GALNT17: variants seen among roughly 807,000 people sequenced by gnomAD.
GALNT17 encodes the protein UDP-GalNAc:polypeptide N-acetylgalactosaminyltransferase-like 3.
In GALNT17, 29 loss-of-function variants were observed where a neutral mutation model predicts 63.7. That is an observed-to-expected ratio of 0.46 (90% CI 0.34 to 0.62). The LOEUF (loss-of-function observed/expected upper bound fraction) is 0.62. Among genes scored for constraint, GALNT17 ranks in the 20% least tolerant of loss-of-function variants. The probability of loss-of-function intolerance (pLI) is 0.01; values close to 1 mark genes in which losing one functional copy is unlikely to be tolerated. For missense variants in GALNT17, 603 were observed against 799.6 expected (o/e 0.75, Z 2.97); for synonymous variants, 305 against 318.3 (o/e 0.96, Z 0.45).
intron 1 of GALNT17, among the ~76,000 whole-genome samples, chr7:71,171,769 C>T (rs1203686560): frequency 2.0e-5 from 3 of 152,206 alleles, no homozygotes; most frequent in Admixed American, 2.0e-4. Context: ...CCTAGAGCTG[C>T]TGCTGGGCTT....
intron 1 of GALNT17, among the ~76,000 whole-genome samples, chr7:71,197,440 C>G (rs1789075376): frequency 6.6e-6 from 1 of 151,170 alleles, no homozygotes; most frequent in African/African-American, 2.4e-5. Context: ...GATCTCCTGA[C>G]CTTGTGATCC....
In GALNT17 at chr7:71,532,701, C is replaced by T. The variant is rs182605379; in HGVS notation, c.963-38584C>T. Among the ~76,000 whole-genome samples the T allele has an allele frequency of 1.6e-3, 241 of 152,316 alleles. 2 individuals are homozygous for T. The highest frequency in any genetic ancestry group is 2.3e-3 in the African/African-American group (97 of 41,580). ...GCTTGAAGCATTAGAGGCTACACTA[C>T]GGGATCTGCTTCTTGCCCTTTCTCT... On this transcript the variant is annotated intron_variant, in intron 5 of 10. Coordinates refer to ENST00000333538, the MANE Select transcript of GALNT17 (RefSeq NM_022479.3).
intron 1 of GALNT17, among the ~76,000 whole-genome samples, chr7:71,164,998 C>T (rs990737690): frequency 6.6e-6 from 1 of 152,098 alleles, no homozygotes; most frequent in Non-Finnish European, 1.5e-5. Context: ...ATAAAATTAA[C>T]TGGAATTTGA....
At chr7:71,464,277 G>A (rs1370822452) in intron 5 of GALNT17, among the ~76,000 whole-genome samples, 1 of 152,102 alleles carries the variant, frequency 6.6e-6, no homozygotes, top group Non-Finnish European at 1.5e-5. Context: ...ATCAAATTAG[G>A]GGATTTTCTC....
intron 5 of GALNT17, among the ~76,000 whole-genome samples, chr7:71,546,161 C>CT (rs34711093): frequency 0.091 from 12,495 of 136,574 alleles, 691 homozygotes; most frequent in East Asian, 0.22. Context: ...TTGAGGGACA[C>CT]TTTTTTTTTT....
chr7:71,382,597 C>T (rs1036123168), intron 2 of GALNT17, among the ~76,000 whole-genome samples: 6 of 151,984 alleles, frequency 3.9e-5, no homozygotes, highest in Non-Finnish European at 4.4e-5. Context: ...GTAACCGAAA[C>T]GAGGTGGTCC....
chr7:71,485,132 A>G (rs7807776), intron 5 of GALNT17, among the ~76,000 whole-genome samples: 149,646 of 150,498 alleles, frequency 0.99, 74,404 homozygotes, highest in East Asian at 1. Flanking sequence ...TTAAGACAGG[A>G]TCTTGCTCTG....
At chr7:71,636,550 G>A (rs946557056) in intron 6 of GALNT17, among the ~76,000 whole-genome samples, 24 of 152,312 alleles carry the variant, frequency 1.6e-4, no homozygotes, top group African/African-American at 5.5e-4. Flanking sequence ...TAAATAGCAG[G>A]CGACGTCATC....
At chr7:71,401,199 C>G (rs1024090025) in intron 3 of GALNT17, among the ~76,000 whole-genome samples, 2 of 151,260 alleles carry the variant, frequency 1.3e-5, no homozygotes, top group South Asian at 4.2e-4. Context: ...CAGGTTCAAG[C>G]GATTCTCCTG....
At chr7:71,358,640 T>A (rs1430678902) in intron 2 of GALNT17, among the ~76,000 whole-genome samples, 1 of 152,272 alleles carries the variant, frequency 6.6e-6, no homozygotes, top group East Asian at 1.9e-4. Context: ...TGTGGTTTTC[T>A]ACTTTGTTGT....
chr7:71,159,114 C>T (rs546619141), intron 1 of GALNT17, among the ~76,000 whole-genome samples: 2 of 151,814 alleles, frequency 1.3e-5, no homozygotes, highest in African/African-American at 4.9e-5. Flanking sequence ...TCCCATAAAC[C>T]CCCATCTCCT....
At chr7:71,544,850 G>GTTTT (rs5884844) in intron 5 of GALNT17, among the ~76,000 whole-genome samples, 11 of 147,090 alleles carry the variant, frequency 7.5e-5, no homozygotes, top group South Asian at 2.2e-4. Flanking sequence ...CTGAGCTTTA[G>GTTTT]TTTTTTTTTT....
At chr7:71,134,916 A>G (rs558031777) in intron 1 of GALNT17, among the ~76,000 whole-genome samples, 3 of 136,372 alleles carry the variant, frequency 2.2e-5, no homozygotes, top group African/African-American at 5.6e-5. Flanking sequence ...CAGTGGTGCA[A>G]TCATAGCTCA....
chr7:71,325,942 C>G (rs1049605390), intron 1 of GALNT17, among the ~76,000 whole-genome samples: 6 of 152,130 alleles, frequency 3.9e-5, no homozygotes, highest in African/African-American at 1.2e-4. Context: ...GCCTCACCTG[C>G]CAACGTATAT....
In GALNT17 at chr7:71,624,221, T is replaced by A. The variant is rs564162315; in HGVS notation, c.1081-41190T>A. On this transcript the variant is annotated intron_variant, in intron 6 of 10. Transcript: ENST00000333538. ...CTTCAAAGATGAATGGAGTGAACAT[T>A]GGGAAGTTAGGGAGCTGTGCAGCGG... is the stretch of plus-strand genomic sequence containing the variant. Among the ~76,000 whole-genome samples the A allele has an allele frequency of 3.3e-5, 5 of 152,216 alleles. No homozygotes were observed. The South Asian group carries it at 1.0e-3, about 32-fold the overall frequency.
At chr7:71,336,588 G>T (rs1791912784) in intron 2 of GALNT17, among the ~76,000 whole-genome samples, 1 of 152,134 alleles carries the variant, frequency 6.6e-6, no homozygotes, top group South Asian at 2.1e-4. Flanking sequence ...AGTGAGAACT[G>T]GTGGTATTTG....
intron 1 of GALNT17, among the ~76,000 whole-genome samples, chr7:71,178,517 A>G (rs1788680397): frequency 6.6e-6 from 1 of 152,108 alleles, no homozygotes; most frequent in Non-Finnish European, 1.5e-5. Flanking sequence ...GACTCTAAAT[A>G]TAAGTGTATT....
chr7:71,315,277 A>T (rs1385649687), intron 1 of GALNT17, among the ~76,000 whole-genome samples: 1 of 152,122 alleles, frequency 6.6e-6, no homozygotes, highest in African/African-American at 2.4e-5. Context: ...CCAACAGCTG[A>T]TGGACGTGTG....
intron 9 of GALNT17, among the ~76,000 whole-genome samples, chr7:71,680,459 T>C (rs201182904): frequency 4.9e-3 from 57 of 11,718 alleles, no homozygotes; most frequent in South Asian, 0.01. Context: ...TCCCTCCCTC[T>C]CTCTCTTCCT....
Sources: allele counts gnomAD v4.1 joint callset (sites outside exome capture counted in the v4.1 genomes callset), GRCh38; gene constraint gnomAD v4.1.1; transcripts MANE v1.5; gene names NCBI Gene and HGNC (gene_info 2026-07-23, HGNC 2026-07-21).